The following DNAH3 variants were observed in gnomAD, a reference collection of about 807,000 sequenced individuals.
The protein encoded by DNAH3 is axonemal beta dynein heavy chain 3.
In DNAH3, 332 loss-of-function variants were observed where a neutral mutation model predicts 432.5. That is an observed-to-expected ratio of 0.77 (90% CI 0.70 to 0.84). The LOEUF (loss-of-function observed/expected upper bound fraction) is 0.84, where lower values mean the gene tolerates loss of function less well. DNAH3 is among the 40% of genes least tolerant of loss of function. The pLI is 0.00. For synonymous variants in DNAH3, 1,956 were observed against 1,900.2 expected (o/e 1.03, Z -0.76); for missense variants, 4,861 against 5,114.0 (o/e 0.95, Z 1.51).
Position 21,003,210 on chromosome 16 carries a change from G to T in DNAH3, c.6023-3C>A. 1 of 1,596,628 alleles carries T rather than the reference G, an allele frequency of 6.3e-7. No homozygotes were observed. Among genetic ancestry groups the T allele is most frequent in the Admixed American group, 1.8e-5 (1 of 55,818 alleles). ...AAAATAAAAATCATAGATGCTTCCTGGACCCAAAGAAACAAAACAGATCAT... is the reference window on the plus strand; with the variant it reads ...AAAATAAAAATCATAGATGCTTCCTTGACCCAAAGAAACAAAACAGATCAT... On this transcript the variant is annotated splice_region_variant and splice_polypyrimidine_tract_variant and intron_variant, in intron 41 of 61. Coordinates refer to ENST00000261383, the Ensembl canonical transcript of DNAH3.
intron 21 of DNAH3, among the ~76,000 whole-genome samples, chr16:21,074,922 A>T (rs1455655755): frequency 1.3e-5 from 2 of 152,210 alleles, no homozygotes; most frequent in Non-Finnish European, 2.9e-5. Flanking sequence ...TGTTTTCTAC[A>T]AGTGCAAGTG....
chr16:21,154,300 G>T (rs554734155), intron 1 of DNAH3, among the ~76,000 whole-genome samples: 1 of 152,158 alleles, frequency 6.6e-6, no homozygotes, highest in Non-Finnish European at 1.5e-5. Flanking sequence ...AGCTTCTTGG[G>T]TTGCTGAGGC....
At chr16:21,119,575 C>T (rs1285289989) in intron 11 of DNAH3, among the ~76,000 whole-genome samples, 4 of 150,508 alleles carry the variant, frequency 2.7e-5, no homozygotes, top group East Asian at 1.9e-4. Flanking sequence ...GGTTGCCTCC[C>T]GGGCTCAAGC....
intron 41 of DNAH3, among the ~76,000 whole-genome samples, chr16:21,012,508 A>G (rs1030033517): frequency 1.3e-5 from 2 of 152,228 alleles, no homozygotes; most frequent in Non-Finnish European, 1.5e-5. Flanking sequence ...GGCAAAACTG[A>G]TAGAACTTTA....
chr16:21,153,635 C>T (rs927602650), intron 1 of DNAH3, among the ~76,000 whole-genome samples: 10 of 152,170 alleles, frequency 6.6e-5, no homozygotes, highest in Non-Finnish European at 8.8e-5. Flanking sequence ...GTAACACTCA[C>T]GGTGAAGGTC....
chr16:20,964,323 C>T (rs1293255728), exon 53 of DNAH3: 2 of 1,614,036 alleles, frequency 1.2e-6, no homozygotes, highest in Admixed American at 3.3e-5. Flanking sequence ...GACAGACCTT[C>T]ACGGCAACTT....
At chr16:20,976,157 A>C (rs2085580024) in intron 50 of DNAH3, among the ~76,000 whole-genome samples, 2 of 152,092 alleles carry the variant, frequency 1.3e-5, no homozygotes, top group African/African-American at 4.8e-5. Context: ...CCTGGGAAAC[A>C]TAGTGAGAAC....
intron 55 of DNAH3, 24 bp downstream of exon 55, chr16:20,954,789 C>T: frequency 6.2e-7 from 1 of 1,610,740 alleles, no homozygotes; most frequent in Non-Finnish European, 8.5e-7. Context: ...CCTCAGGCCA[C>T]TCAGGTGCAC....
intron 19 of DNAH3, among the ~76,000 whole-genome samples, chr16:21,082,192 A>G (rs934872342): frequency 6.6e-6 from 1 of 151,802 alleles, no homozygotes; most frequent in Admixed American, 6.6e-5. Context: ...GAGCCGCCAC[A>G]CCCAGCTAAT....
chr16:20,998,801 G>A (rs1401958670), intron 43 of DNAH3, among the ~76,000 whole-genome samples: 4 of 147,274 alleles, frequency 2.7e-5, no homozygotes. Flanking sequence ...ACAAACAATT[G>A]TTTGAATGCC....
chr16:21,113,146 G>T (rs1567812422), intron 12 of DNAH3, among the ~76,000 whole-genome samples: 1 of 152,028 alleles, frequency 6.6e-6, no homozygotes, highest in Non-Finnish European at 1.5e-5. Context: ...GAGGGGCCAG[G>T]GGCAAAATGA....
intron 7 of DNAH3, among the ~76,000 whole-genome samples, chr16:21,130,597 G>A (rs767279129): frequency 2.6e-5 from 4 of 152,032 alleles, no homozygotes; most frequent in Non-Finnish European, 1.5e-5. Flanking sequence ...GAGCCACCAC[G>A]CCCAGGCTCT....
intron 1 of DNAH3, among the ~76,000 whole-genome samples, chr16:21,157,476 C>T (rs1294741138): frequency 2.0e-5 from 3 of 151,676 alleles, no homozygotes; most frequent in African/African-American, 4.8e-5. Flanking sequence ...ATTACAGGTG[C>T]GCACCACCAT....
At chr16:20,982,405 A>G (rs976408710) in intron 49 of DNAH3, among the ~76,000 whole-genome samples, 1 of 151,960 alleles carries the variant, frequency 6.6e-6, no homozygotes, top group South Asian at 2.1e-4. Flanking sequence ...TAAACAAACA[A>G]ACATTGTTTT....
At position 20,961,757 on chromosome 16, in the gene DNAH3, GT is replaced by G. The variant is rs753578799; in HGVS notation, c.10600+1526del. 3.3e-3 allele frequency among the ~76,000 whole-genome samples: 407 copies of G among 123,390 alleles called. 4 individuals carry two copies. Among genetic ancestry groups the G allele is most frequent in the Middle Eastern group, 8.0e-3 (2 of 250 alleles). 80.9% of individuals were successfully genotyped at this position (123,390 alleles called of 152,430 possible). A position where few individuals can be genotyped will look rare whatever the true frequency, so the allele number is the denominator to read the frequency against. On this transcript the variant is annotated intron_variant, in intron 53 of 61. Coordinates refer to ENST00000261383, the Ensembl canonical transcript of DNAH3. ...AGAATTGTGAGAAAATAAATTTCTG[GT>G]TTTTTTTTTTTTTTTTTTTTTGAGA...
Position 21,140,617 on chromosome 16 carries a change from T to C in DNAH3, c.615A>G (p.Pro205=), listed in dbSNP as rs369001117. The C allele has an allele frequency of 5.8e-5, 94 of 1,614,196 alleles. No individual in the cohort carries two copies. In the South Asian group the frequency reaches 7.1e-4, roughly 12 times the overall value. ...GTAACATGACATCGAGCTGCTGTTC[T>C]GGACTCATTGGTCTGCTTCCTGGGA... is the stretch of plus-strand genomic sequence containing the variant. The change falls in exon 5 of 62, where the codon CCA becomes CCG. Residue 205 remains proline, a synonymous_variant. Transcript: ENST00000261383.
chr16:21,140,671 C>G (rs777332277), exon 5 of DNAH3: 9 of 1,614,008 alleles, frequency 5.6e-6, no homozygotes, highest in Non-Finnish European at 6.8e-6. Flanking sequence ...CCTCCTTCTT[C>G]ATGGGTGAGA....
intron 24 of DNAH3, among the ~76,000 whole-genome samples, chr16:21,066,100 A>C (rs2090537052): frequency 6.6e-6 from 1 of 151,838 alleles, no homozygotes; most frequent in Admixed American, 6.6e-5. Context: ...TGCTGGGATT[A>C]CAGGCATAAG....
intron 13 of DNAH3, 52 bp from the exon 14 acceptor site, chr16:21,111,856 C>T (rs1291160602): frequency 1.3e-6 from 2 of 1,597,150 alleles, no homozygotes. Flanking sequence ...GCCTCTCCCA[C>T]TTGCCCCCAG....
Sources: gnomAD v4.1 joint callset for allele counts (sites outside exome capture counted in the v4.1 genomes callset) on GRCh38, gnomAD v4.1.1 for gene constraint, MANE v1.5 for transcripts, NCBI Gene and HGNC (gene_info 2026-07-23, HGNC 2026-07-21) for gene names.